Variants in FAM20B observed in about 807,000 individuals in gnomAD.
FAM20B encodes the protein glycosaminoglycan xylosylkinase.
Under a neutral mutation model 43.8 loss-of-function variants are expected in FAM20B, and 23 were observed. The ratio of observed to expected loss-of-function variants is 0.53; its 90% CI spans 0.38 to 0.74. FAM20B has a LOEUF of 0.74. FAM20B is among the 30% of genes least tolerant of loss of function. The pLI is 0.00. For missense variants in FAM20B, 440 were observed against 510.5 expected, an observed-to-expected ratio of 0.86 and a Z score of 1.33; for synonymous variants, 178 against 192.4, an observed-to-expected ratio of 0.93 and a Z score of 0.62.
intron 2 of FAM20B, among the ~76,000 whole-genome samples, chr1:179,048,032 A>G (rs1650853472): frequency 6.6e-6 from 1 of 152,154 alleles, no homozygotes; most frequent in African/African-American, 2.4e-5. Context: ...GATGATATAT[A>G]TGGGAATAGA....
intron 1 of FAM20B, among the ~76,000 whole-genome samples, chr1:179,029,746 A>G (rs1219427433): frequency 2.0e-5 from 3 of 152,234 alleles, no homozygotes; most frequent in Non-Finnish European, 2.9e-5. Context: ...CTATCATTCC[A>G]TGCTCTCAAA....
chr1:179,051,774 G>A (rs1309517666), intron 3 of FAM20B, among the ~76,000 whole-genome samples: 2 of 152,156 alleles, frequency 1.3e-5, no homozygotes, highest in Non-Finnish European at 2.9e-5. Context: ...AGCCTACCGA[G>A]TAGCTGGGAC....
chr1:179,044,781 G>A (rs763243986), intron 2 of FAM20B, among the ~76,000 whole-genome samples: 11 of 152,222 alleles, frequency 7.2e-5, no homozygotes, highest in Non-Finnish European at 1.3e-4. Context: ...AGGTTTTTGT[G>A]TGGACATAAA....
chr1:179,035,666 A>T (rs1650195366), intron 1 of FAM20B: 1 of 390,154 alleles, frequency 2.6e-6, no homozygotes, highest in African/African-American at 2.1e-5. Context: ...GGAGGCATGG[A>T]CCGGAGAGGA....
Position 179,026,061 on chromosome 1 carries a change from C to T in FAM20B, c.-171C>T, listed in dbSNP as rs1649753784. 7.1e-6 allele frequency: 1 copy of T among 140,278 alleles called. No individual in the cohort carries two copies. Among genetic ancestry groups the T allele is most frequent in the African/African-American group, 2.6e-5 (1 of 38,444 alleles). 8.7% of individuals were successfully genotyped at this position (140,278 alleles called of 1,614,324 possible). ...CGGCCGGGGCCGCGCCGCACCGCACCGCGCGGGCGGCCATGGAGCGAGCCT... is the reference window on the plus strand; with the variant it reads ...CGGCCGGGGCCGCGCCGCACCGCACTGCGCGGGCGGCCATGGAGCGAGCCT... On this transcript the variant is annotated 5_prime_UTR_variant, in exon 1 of 8. Coordinates refer to ENST00000263733, the MANE Select transcript of FAM20B (RefSeq NM_014864.4).
intron 4 of FAM20B, 107 bp downstream of exon 4, chr1:179,054,745 G>T: frequency 1.7e-6 from 1 of 574,246 alleles, no homozygotes; most frequent in South Asian, 2.7e-5. Context: ...AGAACTCAGT[G>T]GAATACAAAA....
Position 179,043,846 on chromosome 1 carries a change from A to G in FAM20B, c.-2A>G. The stretch of plus-strand genomic sequence containing the variant: ...GTCAGGGGAGAAGGAAAAGAGGTCA[A>G]CATGAAGCTAAAGCAGCGAGTCGTG... On this transcript the variant is annotated 5_prime_UTR_variant, in exon 2 of 8. Coordinates refer to ENST00000263733, the MANE Select transcript of FAM20B (RefSeq NM_014864.4). 6.3e-7 allele frequency: 1 copy of G among 1,586,568 alleles called. No individual in the cohort carries two copies. Among genetic ancestry groups the G allele is most frequent in the Non-Finnish European group, 8.6e-7 (1 of 1,161,684 alleles).
Position 179,074,296 on chromosome 1 carries a change from T to A in FAM20B, c.*2152T>A, listed in dbSNP as rs1001436607. ...TGATTTCAGTTTTAAGGCTACTCAGTGTTGTGTGTCCAGGGAAATTCACAG... is the reference window on the plus strand; with the variant it reads ...TGATTTCAGTTTTAAGGCTACTCAGAGTTGTGTGTCCAGGGAAATTCACAG... On this transcript the variant is annotated 3_prime_UTR_variant, in exon 8 of 8. Transcript: ENST00000263733. 3 of 152,634 alleles carry A rather than the reference T, an allele frequency of 2.0e-5. No homozygotes were observed. 9.5% of individuals were successfully genotyped at this position (152,634 alleles called of 1,614,324 possible).
intron 4 of FAM20B, among the ~76,000 whole-genome samples, chr1:179,062,899 A>G (rs1001385558): frequency 1.3e-5 from 2 of 152,144 alleles, no homozygotes; most frequent in African/African-American, 4.8e-5. Flanking sequence ...GGCCTAGTAC[A>G]TGACCTCTTT....
At chr1:179,060,968 A>G (rs1651436465) in intron 4 of FAM20B, among the ~76,000 whole-genome samples, 2 of 151,876 alleles carry the variant, frequency 1.3e-5, no homozygotes, top group Admixed American at 1.3e-4. Flanking sequence ...CTGTCTTTGC[A>G]TATCCTTTGC....
chr1:179,044,054 G>T lies in FAM20B; in HGVS notation c.207G>T (p.Gln69His), dbSNP rs1217931454. ...TLQSPWEIAAQWVVPREVYPE... is the reference protein window; with the variant it reads ...TLQSPWEIAAHWVVPREVYPE... ...AGTCTCCCTGGGAGATTGCAGCCCA[G>T]TGGGTGGTTCCCCGGGAAGTGTACC... is the stretch of plus-strand genomic sequence containing the variant. Residue 69 changes from glutamine (Q) to histidine (H), a missense_variant, in exon 2 of 8, where the codon CAG becomes CAT. Coordinates refer to ENST00000263733, the MANE Select transcript of FAM20B (RefSeq NM_014864.4). The T allele has an allele frequency of 6.2e-7, 1 of 1,614,060 alleles. No individual in the cohort carries two copies. The highest frequency in any genetic ancestry group is 1.3e-5 in the African/African-American group (1 of 74,912).
intron 2 of FAM20B, among the ~76,000 whole-genome samples, chr1:179,049,749 C>T (rs1315800976): frequency 6.6e-6 from 1 of 152,182 alleles, no homozygotes; most frequent in Non-Finnish European, 1.5e-5. Context: ...GCCATGTTGG[C>T]CAGGCTGTTC....
intron 1 of FAM20B, among the ~76,000 whole-genome samples, chr1:179,031,415 A>T (rs764587223): frequency 1.3e-5 from 2 of 152,104 alleles, no homozygotes; most frequent in Non-Finnish European, 2.9e-5. Context: ...TTTCTTTTTC[A>T]TTTTTCAAGG....
At chr1:179,060,742 A>G (rs1651426944) in intron 4 of FAM20B, among the ~76,000 whole-genome samples, 1 of 152,214 alleles carries the variant, frequency 6.6e-6, no homozygotes, top group African/African-American at 2.4e-5. Flanking sequence ...ATTTCTAGAA[A>G]TGGGAGTGCT....
intron 1 of FAM20B, among the ~76,000 whole-genome samples, chr1:179,036,122 T>C (rs922040899): frequency 1.3e-5 from 2 of 152,054 alleles, no homozygotes; most frequent in African/African-American, 4.8e-5. Flanking sequence ...AGAGCGAGAC[T>C]CTGTCTCAAA....
intron 1 of FAM20B, among the ~76,000 whole-genome samples, chr1:179,037,881 GAGA>G (rs1410753611): frequency 6.6e-6 from 1 of 152,128 alleles, no homozygotes; most frequent in Non-Finnish European, 1.5e-5. Context: ...GCTTCAAAAG[GAGA>G]AGTTTTGAAA....
chr1:179,026,140 C>G (rs1219832696), intron 1 of FAM20B, 42 bp downstream of exon 1: 1 of 146,682 alleles, frequency 6.8e-6, no homozygotes, highest in Non-Finnish European at 1.5e-5. Flanking sequence ...GACCCCCGCC[C>G]CCGGCGCGGC....
At chr1:179,045,871 GTGACAGAGTGAGACC>G (rs1337435159) in intron 2 of FAM20B, among the ~76,000 whole-genome samples, 2 of 151,338 alleles carry the variant, frequency 1.3e-5, no homozygotes, top group Admixed American at 1.3e-4. Flanking sequence ...TCCAGCCTGG[GTGACAGAGTGAGACC>G]TGTCTCAAAA....
In FAM20B at chr1:179,075,771, TA is replaced by T. The variant is rs762428625; in HGVS notation, c.*3639del. 1.4e-3 allele frequency: 206 copies of T among 144,270 alleles called. No homozygotes were observed. The highest frequency in any genetic ancestry group is 1.2e-3 in the Non-Finnish European group (77 of 65,278). 8.9% of individuals were successfully genotyped at this position (144,270 alleles called of 1,614,324 possible). ...TCCAAAGAAATCGATCTTTTTTTTC[TA>T]AAAAAAAAAAATGCTTTTGCCTTCC... On this transcript the variant is annotated 3_prime_UTR_variant, in exon 8 of 8. Transcript: ENST00000263733.
Sources: gnomAD v4.1 joint callset for allele counts (sites outside exome capture counted in the v4.1 genomes callset) on GRCh38, gnomAD v4.1.1 for gene constraint, MANE v1.5 for transcripts, NCBI Gene and HGNC (gene_info 2026-07-23, HGNC 2026-07-21) for gene names.